The following FARP1 variants were observed in gnomAD, a reference collection of about 807,000 sequenced individuals.
FARP1 encodes FERM, ARH/RhoGEF and pleckstrin domain protein 1.
FARP1 carries 52 observed loss-of-function variants against 128.8 expected under a neutral mutation model. The ratio of observed to expected loss-of-function variants is 0.40; its 90% CI spans 0.32 to 0.51. The LOEUF is 0.51. Ranked by LOEUF, FARP1 falls within the 20% of genes least tolerant of loss-of-function variation. FARP1 has a pLI of 0.45. For missense variants in FARP1, 1,333 were observed against 1,367.9 expected, an observed-to-expected ratio of 0.97 and a Z score of 0.40; for synonymous variants, 580 against 551.8, an observed-to-expected ratio of 1.05 and a Z score of -0.72.
chr13:98,345,316 A>G (rs1191976361), intron 3 of FARP1, among the ~76,000 whole-genome samples: 3 of 152,156 alleles, frequency 2.0e-5, no homozygotes, highest in African/African-American at 7.2e-5. Flanking sequence ...TTTGGGCTTC[A>G]CAGCTGAGGG....
intron 13 of FARP1, chr13:98,404,475 A>G (rs2140100525): frequency 6.6e-6 from 1 of 152,340 alleles, no homozygotes; most frequent in South Asian, 2.1e-4. Flanking sequence ...TATTCAGCAT[A>G]ATACTGCCCT....
chr13:98,422,291 GGT>G (rs150351367), intron 16 of FARP1, among the ~76,000 whole-genome samples: 12,098 of 152,256 alleles, frequency 0.079, 520 homozygotes, highest in East Asian at 0.11. Flanking sequence ...GGTGGGCTCT[GGT>G]GGTTCAGAGG....
intron 16 of FARP1, among the ~76,000 whole-genome samples, chr13:98,417,045 G>C (rs547197988): frequency 6.6e-6 from 1 of 152,190 alleles, no homozygotes; most frequent in Non-Finnish European, 1.5e-5. Flanking sequence ...GGCTCTGTGA[G>C]ACAGTGAGGA....
intron 5 of FARP1, among the ~76,000 whole-genome samples, chr13:98,373,533 G>GACAGACACACACACACACACACACACAC (rs1349451618): frequency 1.5e-5 from 2 of 131,070 alleles, no homozygotes; most frequent in African/African-American, 5.9e-5. Context: ...CAGACAGACA[G>GACAGACACACACACACACACACACACAC]ACACACACAC....
At chr13:98,327,659 T>C (rs1307415821) in intron 2 of FARP1, among the ~76,000 whole-genome samples, 4 of 152,200 alleles carry the variant, frequency 2.6e-5, no homozygotes, top group Admixed American at 1.3e-4. Flanking sequence ...GGGGATACAT[T>C]CCAAGACCCC....
chr13:98,307,310 G>GAATTCT (rs1886209796), intron 2 of FARP1, among the ~76,000 whole-genome samples: 1 of 152,202 alleles, frequency 6.6e-6, no homozygotes, highest in Non-Finnish European at 1.5e-5. Flanking sequence ...ATTGGAGGTT[G>GAATTCT]AATTCTAATA....
chr13:98,421,390 G>GATC (rs1265946497), intron 16 of FARP1, among the ~76,000 whole-genome samples: 7 of 152,266 alleles, frequency 4.6e-5, no homozygotes, highest in Admixed American at 6.5e-5. Flanking sequence ...GTGTCTATGA[G>GATC]AGAGAGGATA....
At chr13:98,159,044 G>A (rs1350861315) in intron 1 of FARP1, among the ~76,000 whole-genome samples, 5 of 152,132 alleles carry the variant, frequency 3.3e-5, no homozygotes, top group African/African-American at 4.8e-5. Context: ...GAGAAATCCC[G>A]GTGATCTGCC....
intron 3 of FARP1, among the ~76,000 whole-genome samples, chr13:98,349,949 T>G (rs368361351): frequency 1.3e-3 from 202 of 152,296 alleles, no homozygotes; most frequent in African/African-American, 4.8e-3. Flanking sequence ...CTCCTTCATC[T>G]GTGCTTAGCC....
At chr13:98,301,742 G>C (rs1348346568) in intron 2 of FARP1, among the ~76,000 whole-genome samples, 1 of 152,130 alleles carries the variant, frequency 6.6e-6, no homozygotes, top group Admixed American at 6.5e-5. Flanking sequence ...CACACAGAGG[G>C]ATACTTAACT....
intron 1 of FARP1, among the ~76,000 whole-genome samples, chr13:98,193,400 A>C (rs1321414765): frequency 6.6e-6 from 1 of 152,220 alleles, no homozygotes; most frequent in East Asian, 1.9e-4. Context: ...AGAAGCAGCC[A>C]GCTGACTTAT....
At chr13:98,219,782 A>T (rs575701229) in intron 2 of FARP1, among the ~76,000 whole-genome samples, 71 of 151,964 alleles carry the variant, frequency 4.7e-4, no homozygotes, top group South Asian at 1.5e-3. Flanking sequence ...CTCCCACCAC[A>T]GTCCCCCCTA....
chr13:98,387,299 A>G (rs1189482980), intron 8 of FARP1, among the ~76,000 whole-genome samples: 2 of 152,154 alleles, frequency 1.3e-5, no homozygotes, highest in African/African-American at 4.8e-5. Context: ...AGACTGTCTC[A>G]AAAAGAAAAA....
intron 2 of FARP1, among the ~76,000 whole-genome samples, chr13:98,269,232 G>T (rs1483367070): frequency 6.6e-6 from 1 of 152,124 alleles, no homozygotes; most frequent in Admixed American, 6.6e-5. Context: ...TCTCCCTGCA[G>T]TTCTAATGGT....
Position 98,453,546 on chromosome 13 carries a change from GA to G in FARP1, c.*5230del, listed in dbSNP as rs1326755142. On this transcript the variant is annotated 3_prime_UTR_variant, in exon 27 of 27. Transcript: ENST00000319562. ...TGATCCATACATGATGACACAGTAAGATTCCAGGGATGCATATGCATTCCCG... is the reference window on the plus strand; with the variant it reads ...TGATCCATACATGATGACACAGTAAGTTCCAGGGATGCATATGCATTCCCG... 4.5e-6 allele frequency: 1 copy of G among 223,784 alleles called. No individual in the cohort carries two copies. The highest frequency in any genetic ancestry group is 8.7e-6 in the Non-Finnish European group (1 of 114,766). 13.9% of individuals were successfully genotyped at this position (223,784 alleles called of 1,614,324 possible). A position where few individuals can be genotyped will look rare whatever the true frequency, so the allele number is the denominator to read the frequency against.
intron 17 of FARP1, among the ~76,000 whole-genome samples, chr13:98,426,804 G>A (rs541082845): frequency 6.6e-6 from 1 of 152,360 alleles, no homozygotes; most frequent in South Asian, 2.1e-4. Context: ...ACAGTATTTT[G>A]AATGGCATGA....
rs34250002 is a variant in FARP1 at position 98,151,660 on chromosome 13, C to CTTTTTTTTTTTTTTTTTTTTTTTTTTT, written c.-24+8187_-24+8188insTTTTTTTTTTTTTTTTTTTTTTTTTTT. Among the ~76,000 whole-genome samples the CTTTTTTTTTTTTTTTTTTTTTTTTTTT allele has an allele frequency of 1.9e-4, 13 of 69,224 alleles. 5 individuals are homozygous for CTTTTTTTTTTTTTTTTTTTTTTTTTTT. Among genetic ancestry groups the CTTTTTTTTTTTTTTTTTTTTTTTTTTT allele is most frequent in the African/African-American group, 2.2e-4 (5 of 22,878 alleles). The allele number at this position is 69,224 out of a possible 152,430, so 45.4% of individuals were successfully genotyped here. A position where few individuals can be genotyped will look rare whatever the true frequency, so the allele number is the denominator to read the frequency against. On this transcript the variant is annotated intron_variant, in intron 1 of 26. Transcript: ENST00000319562. ...AAACCTGCCCTTATATATCTTCCAT[C>CTTTTTTTTTTTTTTTTTTTTTTTTTTT]TTTTTTTTTTTTTTTTTTTGAGACG...
At chr13:98,401,736 T>A (rs1890780926) in intron 13 of FARP1, 1 of 151,752 alleles carries the variant, frequency 6.6e-6, no homozygotes, top group Non-Finnish European at 1.5e-5. Flanking sequence ...CAGGAGGAAC[T>A]TTTTTATTTA....
At chr13:98,255,913 C>T (rs1411373297) in intron 2 of FARP1, among the ~76,000 whole-genome samples, 4 of 152,274 alleles carry the variant, frequency 2.6e-5, no homozygotes, top group Middle Eastern at 3.4e-3. Flanking sequence ...CCATTGTGTG[C>T]GCAGTCAGCC....
Sources: gnomAD v4.1 joint callset for allele counts (sites outside exome capture counted in the v4.1 genomes callset) on GRCh38, gnomAD v4.1.1 for gene constraint, MANE v1.5 for transcripts, NCBI Gene and HGNC (gene_info 2026-07-23, HGNC 2026-07-21) for gene names.